Variants in POF1B observed in about 807,000 individuals in gnomAD.
POF1B encodes protein POF1B.
POF1B carries 53 observed loss-of-function variants against 55.3 expected under a neutral mutation model. That is an observed-to-expected ratio of 0.96 (90% CI 0.77 to 1.20). The LOEUF is 1.20. Among genes scored for constraint, POF1B ranks in the 50% most tolerant of loss-of-function variants. The pLI is 0.00. For missense variants in POF1B, 478 were observed against 420.5 expected (o/e 1.14, Z -1.20); for synonymous variants, 188 against 148.3 (o/e 1.27, Z -1.95).
Position 85,360,556 on chromosome X carries a change from T to C in POF1B, c.358-926A>G, listed in dbSNP as rs1213739891. 1.8e-3 allele frequency among the ~76,000 whole-genome samples: 148 copies of C among 83,928 alleles called. 3 individuals are homozygous for C. The highest frequency in any genetic ancestry group is 3.9e-3 in the African/African-American group (53 of 13,558). 72.9% of individuals were successfully genotyped at this position (83,928 alleles called of 115,157 possible). On this transcript the variant is annotated intron_variant, in intron 3 of 16. Coordinates refer to ENST00000262753, the MANE Select transcript of POF1B (RefSeq NM_024921.4). ...ATATATATATATATATATATATATATATACATATATACACATTTTCTTTAT... is the reference window on the plus strand; with the variant it reads ...ATATATATATATATATATATATATACATACATATATACACATTTTCTTTAT...
At chrX:85,369,387 C>A (rs58309821) in intron 2 of POF1B, among the ~76,000 whole-genome samples, 3,078 of 111,031 alleles carry the variant, frequency 0.028, 84 homozygotes, top group African/African-American at 0.084. Flanking sequence ...AACACATGAA[C>A]ACATTCTTAA....
At chrX:85,339,071 C>T (rs1933125081) in intron 6 of POF1B, among the ~76,000 whole-genome samples, 1 of 110,923 alleles carries the variant, frequency 9.0e-6, no homozygotes, top group Non-Finnish European at 1.9e-5. Flanking sequence ...TAAAGACATA[C>T]TTGAGAATGG....
intron 7 of POF1B, among the ~76,000 whole-genome samples, chrX:85,326,571 C>T: frequency 9.1e-6 from 1 of 109,508 alleles, no homozygotes; most frequent in African/African-American, 3.3e-5. Flanking sequence ...GATTGGGGGG[C>T]GGGATGCACG....
chrX:85,306,141 A>T, intron 12 of POF1B, 40 bp downstream of exon 12: 1 of 1,115,672 alleles, frequency 9.0e-7, no homozygotes, highest in Non-Finnish European at 1.2e-6. Context: ...CAATGATGTA[A>T]CTAAGGTAAT....
intron 13 of POF1B, among the ~76,000 whole-genome samples, chrX:85,304,940 T>C (rs1334485076): frequency 9.0e-6 from 1 of 111,391 alleles, no homozygotes; most frequent in Non-Finnish European, 1.9e-5. Flanking sequence ...AGAGGTTAAA[T>C]GACACAGTCA....
intron 15 of POF1B, among the ~76,000 whole-genome samples, chrX:85,296,934 A>T (rs1009418495): frequency 1.8e-5 from 2 of 108,986 alleles, no homozygotes; most frequent in South Asian, 3.8e-4. Flanking sequence ...TCACAATTTA[A>T]TTTTTTTTTT....
chrX:85,286,043 C>G (rs1355435563), intron 15 of POF1B, among the ~76,000 whole-genome samples: 1 of 111,468 alleles, frequency 9.0e-6, no homozygotes, highest in East Asian at 2.8e-4. Context: ...GGTAAATTTA[C>G]AACATTGTTT....
intron 2 of POF1B, among the ~76,000 whole-genome samples, chrX:85,375,591 G>T (rs1296412273): frequency 9.0e-6 from 1 of 111,608 alleles, no homozygotes; most frequent in African/African-American, 3.3e-5. Flanking sequence ...CTTTTTTCAG[G>T]CAGCGCACTT....
chrX:85,344,685 T>C (rs1603061265), intron 6 of POF1B, among the ~76,000 whole-genome samples: 1 of 111,761 alleles, frequency 8.9e-6, no homozygotes, highest in African/African-American at 3.2e-5. Flanking sequence ...AAATATTCAA[T>C]ACCTTCTGGA....
intron 11 of POF1B, among the ~76,000 whole-genome samples, 197 bp from the exon 12 acceptor site, chrX:85,306,530 T>G (rs2147905216): frequency 9.0e-6 from 1 of 111,444 alleles, no homozygotes; most frequent in South Asian, 3.7e-4. Flanking sequence ...TCATCTATTT[T>G]GTGAGAGAGG....
intron 3 of POF1B, among the ~76,000 whole-genome samples, chrX:85,361,737 G>T (rs959501647): frequency 1.8e-5 from 2 of 111,142 alleles, no homozygotes; most frequent in African/African-American, 6.5e-5. Context: ...TTTATTTCAA[G>T]TTCTGTGAAG....
intron 4 of POF1B, among the ~76,000 whole-genome samples, chrX:85,354,683 A>G (rs1178449811): frequency 9.0e-6 from 1 of 110,984 alleles, no homozygotes; most frequent in Non-Finnish European, 1.9e-5. Context: ...AGAGAGCCAA[A>G]TCATGAGTGA....
intron 16 of POF1B, among the ~76,000 whole-genome samples, chrX:85,281,172 G>A (rs931386120): frequency 4.0e-5 from 4 of 100,975 alleles, no homozygotes; most frequent in Non-Finnish European, 8.0e-5. Context: ...TACTGAACAT[G>A]TACAGACTTT....
intron 5 of POF1B, among the ~76,000 whole-genome samples, chrX:85,349,250 G>T (rs1190750859): frequency 9.0e-6 from 1 of 111,151 alleles, no homozygotes; most frequent in East Asian, 2.8e-4. Flanking sequence ...CTATGAATCT[G>T]GTAACAAATG....
rs1335356828 is a variant in POF1B at position 85,306,429 on chromosome X, T to C, written c.1165-96A>G. On this transcript the variant is annotated intron_variant, in intron 11 of 16. Coordinates refer to ENST00000262753, the MANE Select transcript of POF1B (RefSeq NM_024921.4). ...TTCATTCAATTGAATCAAGTAAATATTTTCCTATGCCCAGTTTTCTTATAC... is the reference window on the plus strand; with the variant it reads ...TTCATTCAATTGAATCAAGTAAATACTTTCCTATGCCCAGTTTTCTTATAC... 3.4e-6 allele frequency: 3 copies of C among 884,237 alleles called. No individual in the cohort carries two copies. In the Admixed American group the frequency reaches 8.6e-5, roughly 25 times the overall value. 72.9% of individuals were successfully genotyped at this position (884,237 alleles called of 1,213,427 possible).
intron 3 of POF1B, among the ~76,000 whole-genome samples, chrX:85,364,186 C>A (rs770371962): frequency 1.8e-5 from 2 of 110,692 alleles, no homozygotes; most frequent in East Asian, 5.7e-4. Context: ...TAGGGGGAGT[C>A]TTGGTTCTTC....
chrX:85,365,130 C>A (rs997608236), intron 3 of POF1B, among the ~76,000 whole-genome samples: 20 of 111,496 alleles, frequency 1.8e-4, no homozygotes, highest in Non-Finnish European at 3.8e-4. Context: ...TTTTTACTAG[C>A]TGTTCCATGT....
chrX:85,301,141 C>T (rs6623261), intron 15 of POF1B, among the ~76,000 whole-genome samples: 14,557 of 111,097 alleles, frequency 0.13, 709 homozygotes, highest in South Asian at 0.17. Flanking sequence ...TATCAATCTG[C>T]ACATCAAAGA....
intron 6 of POF1B, among the ~76,000 whole-genome samples, chrX:85,345,023 T>C (rs1933243199): frequency 8.9e-6 from 1 of 111,792 alleles, no homozygotes; most frequent in Non-Finnish European, 1.9e-5. Flanking sequence ...TTAGAAATAA[T>C]CTCATGTATA....
Sources: gnomAD v4.1 joint callset for allele counts (sites outside exome capture counted in the v4.1 genomes callset) on GRCh38, gnomAD v4.1.1 for gene constraint, MANE v1.5 for transcripts, NCBI Gene and HGNC (gene_info 2026-07-23, HGNC 2026-07-21) for gene names.